CWC27: variants seen among roughly 807,000 people sequenced by gnomAD.
CWC27 encodes CWC27 spliceosome associated cyclophilin, also known as spliceosome-associated protein CWC27 homolog.
CWC27 carries 47 observed loss-of-function variants against 63.6 expected under a neutral mutation model. The observed-to-expected ratio is 0.74, with a 90% CI of 0.58 to 0.94. CWC27 has a LOEUF of 0.94. Ranked by LOEUF, CWC27 falls within the 40% of genes least tolerant of loss-of-function variation. The pLI, the probability that CWC27 is intolerant of heterozygous loss-of-function variation, is 0.00. For missense variants in CWC27, 495 were observed against 554.3 expected (o/e 0.89, Z 1.07); for synonymous variants, 175 against 179.8 (o/e 0.97, Z 0.22).
chr5:64,868,742 CT>C (rs1017474805), intron 10 of CWC27, among the ~76,000 whole-genome samples: 2 of 151,574 alleles, frequency 1.3e-5, no homozygotes, highest in South Asian at 2.1e-4. Context: ...GCCAATAAAA[CT>C]TTTTTTTTGT....
intron 4 of CWC27, among the ~76,000 whole-genome samples, chr5:64,784,420 A>G (rs879728184): frequency 1.8e-4 from 27 of 152,354 alleles, no homozygotes; most frequent in African/African-American, 6.3e-4. Context: ...AATAGTACCT[A>G]TTTAATCCTG....
At chr5:64,859,023 T>TTATTGGAAATGTTTATGGAATG (rs1746332073) in intron 10 of CWC27, among the ~76,000 whole-genome samples, 1 of 152,198 alleles carries the variant, frequency 6.6e-6, no homozygotes, top group African/African-American at 2.4e-5. Context: ...AAGTAAACAA[T>TTATTGGAAATGTTTATGGAATG]TATTGGAAAT....
intron 10 of CWC27, among the ~76,000 whole-genome samples, chr5:64,815,653 TATA>T (rs1469095123): frequency 6.6e-6 from 1 of 152,112 alleles, no homozygotes; most frequent in East Asian, 1.9e-4. Flanking sequence ...AAATGGCAAA[TATA>T]ATAAAAATTA....
intron 13 of CWC27, among the ~76,000 whole-genome samples, chr5:65,013,818 C>G (rs1245018820): frequency 6.6e-6 from 1 of 152,000 alleles, no homozygotes; most frequent in Non-Finnish European, 1.5e-5. Flanking sequence ...TTGTAGACTT[C>G]CCAATGAAAA....
At chr5:64,948,786 G>A (rs147662177) in intron 11 of CWC27, among the ~76,000 whole-genome samples, 1 of 152,070 alleles carries the variant, frequency 6.6e-6, no homozygotes, top group Non-Finnish European at 1.5e-5. Flanking sequence ...TCAGAGTAGT[G>A]AGAACTAGTA....
chr5:64,968,597 C>T (rs1435426008), intron 11 of CWC27, among the ~76,000 whole-genome samples: 1 of 152,200 alleles, frequency 6.6e-6, no homozygotes, highest in Non-Finnish European at 1.5e-5. Flanking sequence ...ACATAAAAAA[C>T]TACATACTGT....
At chr5:64,888,238 A>G (rs1424826726) in intron 11 of CWC27, among the ~76,000 whole-genome samples, 1 of 150,074 alleles carries the variant, frequency 6.7e-6, no homozygotes. Flanking sequence ...AGCTGGAAAA[A>G]TTTGAAAAAA....
intron 10 of CWC27, among the ~76,000 whole-genome samples, chr5:64,812,862 G>A (rs914700332): frequency 2.0e-5 from 3 of 152,046 alleles, no homozygotes; most frequent in Non-Finnish European, 4.4e-5. Context: ...TATGACAAGC[G>A]CTCTGCTAGA....
chr5:64,953,707 C>T (rs1415657748), intron 11 of CWC27, among the ~76,000 whole-genome samples: 1 of 151,918 alleles, frequency 6.6e-6, no homozygotes, highest in Non-Finnish European at 1.5e-5. Context: ...TTTTTTCTTT[C>T]CCCCAGCAAA....
At chr5:64,820,355 G>A (rs1217500583) in intron 10 of CWC27, among the ~76,000 whole-genome samples, 1 of 152,132 alleles carries the variant, frequency 6.6e-6, no homozygotes, top group Non-Finnish European at 1.5e-5. Context: ...TTGTACAACA[G>A]TCTTTATCTG....
intron 7 of CWC27, among the ~76,000 whole-genome samples, chr5:64,792,528 T>C (rs774275905): frequency 1.3e-5 from 2 of 152,188 alleles, no homozygotes; most frequent in Non-Finnish European, 2.9e-5. Context: ...TTTCCAGCTT[T>C]TAAAAATCTT....
intron 10 of CWC27, among the ~76,000 whole-genome samples, chr5:64,848,950 C>T (rs72756891): frequency 2.7e-4 from 41 of 152,228 alleles, no homozygotes; most frequent in Admixed American, 5.2e-4. Context: ...CCCATTCTCA[C>T]CACTTCTATT....
intron 13 of CWC27, among the ~76,000 whole-genome samples, chr5:64,987,169 G>A (rs10070772): frequency 0.22 from 32,637 of 151,496 alleles, 3,999 homozygotes; most frequent in South Asian, 0.36. Flanking sequence ...GCATTATTTT[G>A]GATTATTTGA....
chr5:64,974,250 AT>A (rs1490719216), intron 12 of CWC27, among the ~76,000 whole-genome samples: 10 of 151,980 alleles, frequency 6.6e-5, no homozygotes, highest in Non-Finnish European at 1.2e-4. Context: ...AAAAAAAAAA[AT>A]GATAGGGTTT....
At chr5:64,967,918 G>A (rs757295281) in intron 11 of CWC27, among the ~76,000 whole-genome samples, 1 of 151,894 alleles carries the variant, frequency 6.6e-6, no homozygotes, top group Non-Finnish European at 1.5e-5. Context: ...TTGATAAAAT[G>A]CTGTTCATCG....
intron 12 of CWC27, 131 bp from the exon 13 acceptor site, chr5:64,977,004 C>A: frequency 2.0e-6 from 1 of 495,470 alleles, no homozygotes; most frequent in Non-Finnish European, 3.5e-6. Flanking sequence ...TAGTTTTGTT[C>A]TTTTTGTTCA....
intron 10 of CWC27, among the ~76,000 whole-genome samples, chr5:64,860,148 A>C (rs1252830232): frequency 2.0e-5 from 3 of 152,198 alleles, no homozygotes; most frequent in Admixed American, 1.3e-4. Flanking sequence ...TTTAACTGCT[A>C]TGCCATTCTT....
Position 65,017,269 on chromosome 5 carries a change from C to T in CWC27, c.1257-890C>T, listed in dbSNP as rs1022862464. On this transcript the variant is annotated intron_variant, in intron 13 of 13. Coordinates refer to ENST00000381070, the MANE Select transcript of CWC27 (RefSeq NM_005869.4). ...CCGGGAGGTGAAGGTTGCAGTGAGC[C>T]GAGATCGCGCCACTGCACTCCAGCC... 2.6e-5 allele frequency among the ~76,000 whole-genome samples: 4 copies of T among 151,978 alleles called. No individual in the cohort carries two copies. The South Asian group carries it at 8.4e-4, about 32-fold the overall frequency.
At chr5:64,831,521 C>G (rs1284654515) in intron 10 of CWC27, among the ~76,000 whole-genome samples, 12 of 138,978 alleles carry the variant, frequency 8.6e-5, no homozygotes, top group African/African-American at 3.1e-4. Flanking sequence ...TAGACAGACA[C>G]ATAGATAGAT....
Sources: allele counts gnomAD v4.1 joint callset (sites outside exome capture counted in the v4.1 genomes callset), GRCh38; gene constraint gnomAD v4.1.1; transcripts MANE v1.5; gene names NCBI Gene and HGNC (gene_info 2026-07-23, HGNC 2026-07-21).